NF1: variants seen among roughly 807,000 people sequenced by gnomAD.
NF1 encodes the protein neurofibromin 1.
In NF1, 122 loss-of-function variants were observed where a neutral mutation model predicts 325.7. The ratio of observed to expected loss-of-function variants is 0.37; its 90% confidence interval spans 0.32 to 0.44. The LOEUF (loss-of-function observed/expected upper bound fraction) is 0.44. Among genes scored for constraint, NF1 ranks in the 20% least tolerant of loss-of-function variants. The pLI is 1.00. For missense variants in NF1, 2,140 were observed against 3,415.4 expected (o/e 0.63, Z 9.31); for synonymous variants, 1,091 against 1,186.0 (o/e 0.92, Z 1.65).
Position 31,168,360 on chromosome 17 carries a change from C to A in NF1, c.480-1531C>A, listed in dbSNP as rs559276820. Among the ~76,000 whole-genome samples the A allele has an allele frequency of 5.9e-5, 9 of 152,196 alleles. No individual in the cohort carries two copies. In the South Asian group the frequency reaches 1.9e-3, roughly 32 times the overall value. ...AGCATTTAACTATAATATTGTCATACCTATCAAGAATCATAATTCCTTAAT... is the reference window on the plus strand; with the variant it reads ...AGCATTTAACTATAATATTGTCATAACTATCAAGAATCATAATTCCTTAAT... On this transcript the variant is annotated intron_variant, in intron 4 of 57. Coordinates refer to ENST00000358273, the MANE Select transcript of NF1 (RefSeq NM_001042492.3).
In NF1 at chr17:31,214,585, TGTAA is replaced by T. The variant is rs1555612294; in HGVS notation, c.1527+4_1527+7del. The T allele has an allele frequency of 1.2e-6, 2 of 1,612,794 alleles. No homozygotes were observed. Among genetic ancestry groups the T allele is most frequent in the East Asian group, 2.2e-5 (1 of 44,736 alleles). Reference sequence around the variant, plus strand: ...ATGCAGATCCAAAGCTCTTGCTTTGTGTAAGTATTTTTTTATGAAATGTCTCAAA... The same window carrying T: ...ATGCAGATCCAAAGCTCTTGCTTTGTGTATTTTTTTATGAAATGTCTCAAA... On this transcript the variant is annotated splice_donor_variant and splice_donor_region_variant and intron_variant, in intron 13 of 57. Transcript: ENST00000358273. LOFTEE classifies it high-confidence loss of function.
At chr17:31,356,789 A>T (rs926875186) in intron 52 of NF1, 171 bp from the exon 53 acceptor site, 1 of 1,171,620 alleles carries the variant, frequency 8.5e-7, no homozygotes, top group Non-Finnish European at 1.2e-6. Context: ...CAGCATTGTA[A>T]ATAGGTAGCC....
At chr17:31,248,470 C>G (rs1471302706) in intron 29 of NF1, among the ~76,000 whole-genome samples, 2 of 152,052 alleles carry the variant, frequency 1.3e-5, no homozygotes, top group Admixed American at 6.6e-5. Context: ...AGTTAATAAT[C>G]CTGAATAATA....
intron 36 of NF1, among the ~76,000 whole-genome samples, chr17:31,308,354 C>T (rs771279133): frequency 7.9e-5 from 12 of 151,968 alleles, no homozygotes; most frequent in East Asian, 1.9e-4. Flanking sequence ...TTGTCCAGAC[C>T]GGTCTCGAAC....
chr17:31,231,581 A>C (rs1402604951), intron 24 of NF1, among the ~76,000 whole-genome samples: 1 of 152,224 alleles, frequency 6.6e-6, no homozygotes, highest in African/African-American at 2.4e-5. Flanking sequence ...TAAACTATAC[A>C]CATCCTCCCA....
At chr17:31,216,311 A>G (rs1462730620) in intron 13 of NF1, among the ~76,000 whole-genome samples, 2 of 152,232 alleles carry the variant, frequency 1.3e-5, no homozygotes, top group Non-Finnish European at 2.9e-5. Flanking sequence ...TCCAAGGATC[A>G]TTTAAAATGG....
chr17:31,135,916 T>G (rs1915734499), intron 1 of NF1, among the ~76,000 whole-genome samples: 1 of 152,012 alleles, frequency 6.6e-6, no homozygotes, highest in East Asian at 1.9e-4. Context: ...ACTGTTTCAT[T>G]TTTTTACCCC....
At chr17:31,121,395 CTTTTTTTTTTT>C (rs71142019) in intron 1 of NF1, among the ~76,000 whole-genome samples, 1 of 92,528 alleles carries the variant, frequency 1.1e-5, no homozygotes, top group East Asian at 2.8e-4. Flanking sequence ...AATCACTATT[CTTTTTTTTTTT>C]TTTTTTTTTT....
In NF1 at chr17:31,226,701, G is replaced by GA; in HGVS notation, c.2251+17_2251+18insA. The GA allele has an allele frequency of 6.2e-7, 1 of 1,612,990 alleles. No homozygotes were observed. The highest frequency in any genetic ancestry group is 8.5e-7 in the Non-Finnish European group (1 of 1,179,616). ...TGTCAACAGGTAAATGTGAATAGTG[G>GA]TTTTTTTTACTCAGTCTGCCTCAAA... is the stretch of plus-strand genomic sequence containing the variant. On this transcript the variant is annotated intron_variant, in intron 18 of 57. Transcript: ENST00000358273.
In NF1 at chr17:31,136,328, CA is replaced by C. The variant is rs56348558; in HGVS notation, c.61-19634del. On this transcript the variant is annotated intron_variant, in intron 1 of 57. Transcript: ENST00000358273. ...TGGGTGAAAGAGCAAGACTCTGTCT[CA>C]AAAAAAAAAAAAAAAAAAAAGGAAA... The C allele has an allele frequency of 6.2e-3, 447 of 72,544 alleles. 1 individual carries two copies. Among genetic ancestry groups the C allele is most frequent in the African/African-American group, 0.022 (350 of 15,620 alleles). 4.5% of individuals were successfully genotyped at this position (72,544 alleles called of 1,614,324 possible).
intron 27 of NF1, 134 bp downstream of exon 27, chr17:31,233,347 G>A: frequency 1.1e-6 from 1 of 914,936 alleles, no homozygotes; most frequent in Non-Finnish European, 1.7e-6. Flanking sequence ...TTAGTTAGGT[G>A]ATTTTTCAGC....
Position 31,235,642 on chromosome 17 carries a change from T to C in NF1, c.3740T>C (p.Phe1247Ser). Residue 1247 changes from phenylalanine (F) to serine (S), a missense_variant, in exon 28 of 58, where the codon TTT becomes TCT. Around this residue, in one of 10 missense-constraint regions of NF1, gnomAD observed 336 missense variants for 399.0 expected, o/e 0.84. Transcript: ENST00000358273. ...CTAGCTCGAGTTCTGGTTACTCTGT[T>C]TGATTCTCGGCATTTACTCTACCAA... ...DELARVLVTLFDSRHLLYQLL... is the reference protein window; with the variant it reads ...DELARVLVTLSDSRHLLYQLL... 1 of 1,614,178 alleles carries C rather than the reference T, an allele frequency of 6.2e-7. No homozygotes were observed. The highest frequency in any genetic ancestry group is 8.5e-7 in the Non-Finnish European group (1 of 1,180,014).
intron 36 of NF1, chr17:31,278,080 G>T (rs1188846180): frequency 6.6e-6 from 1 of 152,094 alleles, no homozygotes; most frequent in Middle Eastern, 3.2e-3. Context: ...GTGAGCTATG[G>T]ATACCCTAAC....
chr17:31,181,557 G>A lies in NF1; in HGVS notation c.654+68G>A, dbSNP rs2143775753. 8 of 1,469,678 alleles carry A rather than the reference G, an allele frequency of 5.4e-6. No individual in the cohort carries two copies. In the South Asian group the frequency reaches 9.2e-5, roughly 17 times the overall value. The allele number at this position is 1,469,678 out of a possible 1,614,324, so 91.0% of individuals were successfully genotyped here. A position where few individuals can be genotyped will look rare whatever the true frequency, so the allele number is the denominator to read the frequency against. On this transcript the variant is annotated intron_variant, in intron 6 of 57. Coordinates refer to ENST00000358273, the MANE Select transcript of NF1 (RefSeq NM_001042492.3). ...TAAAATTTGCTGTTGTTAGCATCCT[G>A]AATCAAAAAGTTATGACTTGAGTGA...
At chr17:31,352,450 A>G in intron 51 of NF1, 36 bp downstream of exon 51, 5 of 1,469,354 alleles carry the variant, frequency 3.4e-6, no homozygotes, top group Non-Finnish European at 4.5e-6. Flanking sequence ...TTTTTTTATT[A>G]TTTAAAAAAA....
At chr17:31,362,368 A>G in intron 57 of NF1, 1 of 984,862 alleles carries the variant, frequency 1.0e-6, no homozygotes, top group Non-Finnish European at 1.2e-6. Context: ...CATACAGGTA[A>G]TTTAGTTTTA....
At chr17:31,117,961 G>A (rs1914096181) in intron 1 of NF1, among the ~76,000 whole-genome samples, 1 of 152,140 alleles carries the variant, frequency 6.6e-6, no homozygotes, top group Middle Eastern at 3.2e-3. Context: ...TTGTGAATTA[G>A]GCTGTTAGGT....
At chr17:31,106,430 C>A (rs1220962925) in intron 1 of NF1, among the ~76,000 whole-genome samples, 1 of 152,014 alleles carries the variant, frequency 6.6e-6, no homozygotes, top group Non-Finnish European at 1.5e-5. Context: ...GTTACAGAGG[C>A]AAAACATGTT....
At chr17:31,098,089 A>G (rs1911929479) in intron 1 of NF1, among the ~76,000 whole-genome samples, 1 of 148,736 alleles carries the variant, frequency 6.7e-6, no homozygotes, top group African/African-American at 2.4e-5. Context: ...GTTTAACATA[A>G]GGTACTTATA....
Sources: allele counts gnomAD v4.1 joint callset (sites outside exome capture counted in the v4.1 genomes callset), GRCh38; gene constraint gnomAD v4.1.1; regional missense constraint gnomAD v4.1.1; transcripts MANE v1.5; gene names NCBI Gene and HGNC (gene_info 2026-07-23, HGNC 2026-07-21).